The following LMO7 variants were observed in gnomAD, a reference collection of about 807,000 sequenced individuals.
LMO7 encodes the protein LIM domain only protein 7.
A neutral mutation model predicts 206.5 loss-of-function variants in LMO7; 120 were observed. That is an observed-to-expected ratio of 0.58 (90% CI 0.50 to 0.68). The LOEUF (loss-of-function observed/expected upper bound fraction) is 0.68, where lower values mean the gene tolerates loss of function less well. LMO7 is among the 30% of genes least tolerant of loss of function. The pLI, the probability that LMO7 is intolerant of heterozygous loss-of-function variation, is 0.00. For synonymous variants in LMO7, 706 were observed against 681.5 expected, an observed-to-expected ratio of 1.04 and a Z score of -0.56; for missense variants, 1,959 against 1,957.9, an observed-to-expected ratio of 1.00 and a Z score of -0.01.
chr13:75,693,208 T>C (rs762260167), intron 1 of LMO7, among the ~76,000 whole-genome samples: 60 of 152,220 alleles, frequency 3.9e-4, no homozygotes, highest in Non-Finnish European at 7.5e-4. Context: ...AAGACTAGTA[T>C]GCATGATATA....
At chr13:75,821,841 G>T (rs2057602882) in intron 14 of LMO7, among the ~76,000 whole-genome samples, 1 of 152,108 alleles carries the variant, frequency 6.6e-6, no homozygotes, top group Non-Finnish European at 1.5e-5. Context: ...ACATTTTAAA[G>T]AATGAATAAG....
intron 17 of LMO7, 29 bp downstream of exon 17, chr13:75,834,416 A>G (rs762080642): frequency 1.1e-5 from 17 of 1,516,508 alleles, no homozygotes; most frequent in Non-Finnish European, 1.4e-5. Flanking sequence ...CATGTCTGGC[A>G]TTTGAAACTG....
intron 1 of LMO7, among the ~76,000 whole-genome samples, chr13:75,706,833 G>A (rs1006751615): frequency 3.3e-5 from 5 of 152,092 alleles, no homozygotes; most frequent in Admixed American, 2.6e-4. Flanking sequence ...ATGTAGTTGA[G>A]TTACTCTTTT....
chr13:75,846,810 G>A (rs1199892790), intron 26 of LMO7, among the ~76,000 whole-genome samples: 2 of 152,058 alleles, frequency 1.3e-5, no homozygotes, highest in African/African-American at 4.8e-5. Context: ...GGCCAGGCAC[G>A]GTGGCTCACG....
intron 1 of LMO7, among the ~76,000 whole-genome samples, chr13:75,696,358 AAAAC>A (rs201276341): frequency 6.5e-4 from 89 of 137,978 alleles, no homozygotes; most frequent in African/African-American, 1.3e-3. Flanking sequence ...CCATCTCAAA[AAAAC>A]AAACAAACAA....
At chr13:75,799,307 A>G (rs552055955) in intron 6 of LMO7, among the ~76,000 whole-genome samples, 3 of 152,228 alleles carry the variant, frequency 2.0e-5, no homozygotes, top group Admixed American at 1.3e-4. Flanking sequence ...AAAAGTTGAA[A>G]GAAGAGTACA....
intron 6 of LMO7, among the ~76,000 whole-genome samples, chr13:75,798,095 G>A (rs2054266046): frequency 6.6e-6 from 1 of 152,196 alleles, no homozygotes; most frequent in South Asian, 2.1e-4. Context: ...GGGGGGCTGG[G>A]CACAGTGGCT....
At chr13:75,765,316 C>CT (rs139335299) in intron 4 of LMO7, among the ~76,000 whole-genome samples, 3,174 of 119,398 alleles carry the variant, frequency 0.027, 99 homozygotes, top group African/African-American at 0.079. Flanking sequence ...CCTAGTTTTA[C>CT]TTTTTTTTTT....
intron 1 of LMO7, among the ~76,000 whole-genome samples, chr13:75,696,436 G>A (rs2041911721): frequency 6.6e-6 from 1 of 152,150 alleles, no homozygotes; most frequent in Non-Finnish European, 1.5e-5. Flanking sequence ...AGTACAAATT[G>A]TTTCATATAA....
At position 75,804,697 on chromosome 13, in the gene LMO7, C is replaced by T. The variant is rs1043130950; in HGVS notation, c.914+156C>T. On this transcript the variant is annotated intron_variant, in intron 8 of 30. Coordinates refer to ENST00000377534, the MANE Select transcript of LMO7 (RefSeq NM_001306080.2). Reference sequence around the variant, plus strand: ...TTTCATCCCTCTATTTTTAGTTATACATATCTTGAAGCCATTTCTTCTGTT... The same window carrying T: ...TTTCATCCCTCTATTTTTAGTTATATATATCTTGAAGCCATTTCTTCTGTT... The T allele has an allele frequency of 2.8e-5, 31 of 1,111,286 alleles. No homozygotes were observed. In the East Asian group the frequency reaches 7.8e-4, roughly 28 times the overall value. 68.8% of individuals were successfully genotyped at this position (1,111,286 alleles called of 1,614,324 possible).
In LMO7 at chr13:75,804,356, G is replaced by T; in HGVS notation, c.729G>T (p.Ser243=). The T allele has an allele frequency of 6.2e-7, 1 of 1,613,990 alleles. No homozygotes were observed. The highest frequency in any genetic ancestry group is 8.5e-7 in the Non-Finnish European group (1 of 1,179,882). The change falls in exon 8 of 31, where the codon TCG becomes TCT. Residue 243 remains serine (S), a synonymous_variant. Coordinates refer to ENST00000377534, the MANE Select transcript of LMO7 (RefSeq NM_001306080.2). Reference sequence around the variant, plus strand: ...AGGATTATAATAAAGATGATATGTCGTATCGAAGGATTTCGGCTGTTGAGC... The same window carrying T: ...AGGATTATAATAAAGATGATATGTCTTATCGAAGGATTTCGGCTGTTGAGC... ...KMQDYNKDDM[S]YRRISAVEPK...
In LMO7 at chr13:75,800,674, T is replaced by A; in HGVS notation, c.463-10T>A. ...TTAACTTACTATTCTTTAAAAAACG[T>A]TTTCTTTAGGCACTCGAAGACTCCA... On this transcript the variant is annotated splice_polypyrimidine_tract_variant and intron_variant, in intron 6 of 30. Transcript: ENST00000377534. 1 of 1,612,560 alleles carries A rather than the reference T, an allele frequency of 6.2e-7. No homozygotes were observed. Among genetic ancestry groups the A allele is most frequent in the Admixed American group, 1.7e-5 (1 of 59,858 alleles).
chr13:75,718,422 C>G (rs1046630599), intron 2 of LMO7, among the ~76,000 whole-genome samples: 5 of 152,194 alleles, frequency 3.3e-5, no homozygotes, highest in Non-Finnish European at 5.9e-5. Flanking sequence ...TTAAATAGTA[C>G]AGGAAGCCAG....
intron 1 of LMO7, among the ~76,000 whole-genome samples, chr13:75,685,897 T>C (rs970809700): frequency 6.9e-6 from 1 of 145,204 alleles, no homozygotes; most frequent in Non-Finnish European, 1.5e-5. Flanking sequence ...TCTCTTTTTT[T>C]TTTTTTTTTT....
intron 28 of LMO7, 88 bp downstream of exon 28, chr13:75,853,476 T>G (rs374489777): frequency 1.6e-6 from 2 of 1,272,658 alleles, no homozygotes; most frequent in South Asian, 3.1e-5. Flanking sequence ...AGTTTTCCAA[T>G]GAAGAAGAAA....
chr13:75,786,818 C>T (rs879518597), intron 4 of LMO7, among the ~76,000 whole-genome samples: 4 of 152,098 alleles, frequency 2.6e-5, no homozygotes, highest in Non-Finnish European at 5.9e-5. Flanking sequence ...GTCTAATTAC[C>T]AATTTACCTA....
chr13:75,815,826 GAAAC>G (rs2138153411), intron 11 of LMO7, among the ~76,000 whole-genome samples: 2 of 152,266 alleles, frequency 1.3e-5, no homozygotes, highest in East Asian at 3.9e-4. Flanking sequence ...GGAGAAGGGA[GAAAC>G]AAAGGTGAAA....
chr13:75,687,413 C>T (rs2041107058), intron 1 of LMO7, among the ~76,000 whole-genome samples: 1 of 152,114 alleles, frequency 6.6e-6, no homozygotes. Context: ...TCATACTTTA[C>T]CACTGAGATT....
intron 1 of LMO7, among the ~76,000 whole-genome samples, chr13:75,642,945 TC>T (rs1473003479): frequency 6.6e-6 from 1 of 152,204 alleles, no homozygotes; most frequent in Non-Finnish European, 1.5e-5. Context: ...GGGTTCTATT[TC>T]CTCTTAAGCC....
Sources: gnomAD v4.1 joint callset for allele counts (sites outside exome capture counted in the v4.1 genomes callset) on GRCh38, gnomAD v4.1.1 for gene constraint, MANE v1.5 for transcripts, NCBI Gene and HGNC (gene_info 2026-07-23, HGNC 2026-07-21) for gene names.